Variants in CLUAP1 observed in about 807,000 individuals in gnomAD.
CLUAP1 encodes the protein clusterin-associated protein 1.
Under a neutral mutation model 55.0 loss-of-function variants are expected in CLUAP1, and 50 were observed. The observed-to-expected ratio is 0.91, with a 90% CI of 0.72 to 1.15. The LOEUF is 1.15. Among genes scored for constraint, CLUAP1 ranks in the 50% most tolerant of loss-of-function variants. The pLI, the probability that CLUAP1 is intolerant of heterozygous loss-of-function variation, is 0.00. For missense variants in CLUAP1, 530 were observed against 507.6 expected, an observed-to-expected ratio of 1.04 and a Z score of -0.42; for synonymous variants, 195 against 175.4, an observed-to-expected ratio of 1.11 and a Z score of -0.88.
At position 3,520,128 on chromosome 16, in the gene CLUAP1, C is replaced by T. The variant is rs1038768626; in HGVS notation, c.713+92C>T. 4 of 1,298,278 alleles carry T rather than the reference C, an allele frequency of 3.1e-6. No homozygotes were observed. The African/African-American group carries it at 4.5e-5, about 15-fold the overall frequency. 80.4% of individuals were successfully genotyped at this position (1,298,278 alleles called of 1,614,324 possible). A position where few individuals can be genotyped will look rare whatever the true frequency, so the allele number is the denominator to read the frequency against. ...TGGCTCATGTCTGAAATCTCAGCTA[C>T]TCATGAAGCTGGGGCGGGGGGTTCT... is the stretch of plus-strand genomic sequence containing the variant. On this transcript the variant is annotated intron_variant, in intron 7 of 11. Coordinates refer to ENST00000576634, the MANE Select transcript of CLUAP1 (RefSeq NM_015041.3).
At chr16:3,496,002 G>A (rs539687242), upstream of CLUAP1, among the ~76,000 whole-genome samples, 111 of 152,230 alleles carry the variant, frequency 7.3e-4, 2 homozygotes, top group African/African-American at 2.4e-3. Context: ...TTAGCCGGGC[G>A]TCGTGGCGGG....
At chr16:3,514,146 A>G (rs954103575) in intron 5 of CLUAP1, among the ~76,000 whole-genome samples, 2 of 152,142 alleles carry the variant, frequency 1.3e-5, no homozygotes, top group Non-Finnish European at 2.9e-5. Flanking sequence ...ACATGTCCCT[A>G]AGAGACTCAG....
chr16:3,536,083 G>A, intron 11 of CLUAP1, 39 bp from the exon 12 acceptor site: 1 of 1,606,868 alleles, frequency 6.2e-7, no homozygotes, highest in East Asian at 2.2e-5. Context: ...CAGGAATGAG[G>A]CAGGATCCCC....
chr16:3,496,564 C>G, upstream of CLUAP1: 1 of 543,816 alleles, frequency 1.8e-6, no homozygotes, highest in East Asian at 4.9e-5. Context: ...GGGCCAAGAT[C>G]CTGACTTTCG....
intron 7 of CLUAP1, among the ~76,000 whole-genome samples, chr16:3,520,324 G>A (rs2037809774): frequency 6.6e-6 from 1 of 151,944 alleles, no homozygotes; most frequent in Non-Finnish European, 1.5e-5. Flanking sequence ...GTGAGCTATG[G>A]TTGCATCACT....
intron 3 of CLUAP1, among the ~76,000 whole-genome samples, chr16:3,507,485 G>A (rs569018084): frequency 4.0e-5 from 6 of 151,530 alleles, no homozygotes; most frequent in East Asian, 3.9e-4. Flanking sequence ...GCTTGAGCCC[G>A]GGAGGTTGAG....
Position 3,536,124 on chromosome 16 carries a change from G to A in CLUAP1, c.1095G>A (p.Glu365=), listed in dbSNP as rs754174637. The part of the protein sequence containing the change: ...TMQGGDSDDN[E]DSEESEIDME... ...CATCTGCCATTTTTTTCCTATAGGA[G>A]GACTCGGAGGAGAGTGAAATTGACA... is the stretch of plus-strand genomic sequence containing the variant. The change falls in exon 12 of 12, where the codon GAG becomes GAA. Residue 365 remains glutamate, a splice_region_variant and synonymous_variant. Coordinates refer to ENST00000576634, the MANE Select transcript of CLUAP1 (RefSeq NM_015041.3). The A allele has an allele frequency of 1.2e-6, 2 of 1,613,966 alleles. No individual in the cohort carries two copies. The highest frequency in any genetic ancestry group is 1.7e-6 in the Non-Finnish European group (2 of 1,179,906).
At chr16:3,517,776 C>T (rs1378354117) in intron 6 of CLUAP1, among the ~76,000 whole-genome samples, 8 of 152,154 alleles carry the variant, frequency 5.3e-5, no homozygotes, top group East Asian at 3.8e-4. Context: ...TTCCTGCCAA[C>T]GATGCATATC....
upstream of CLUAP1, chr16:3,496,539 G>A (rs2037312910): frequency 3.2e-5 from 18 of 555,206 alleles, no homozygotes; most frequent in South Asian, 2.1e-4. Context: ...GCCCACAGCG[G>A]CATCCTCAGG....
In CLUAP1 at chr16:3,508,275, T is replaced by G. The variant is rs2037547005; in HGVS notation, c.220-14T>G. On this transcript the variant is annotated splice_polypyrimidine_tract_variant and intron_variant, in intron 3 of 11. Coordinates refer to ENST00000576634, the MANE Select transcript of CLUAP1 (RefSeq NM_015041.3). ...AAGGGCCTTCAACTTTTTTTTTTTT[T>G]GGTCTAAAAATAGGCCACCAAGGCA... 3 of 1,579,384 alleles carry G rather than the reference T, an allele frequency of 1.9e-6. No homozygotes were observed. Among genetic ancestry groups the G allele is most frequent in the Non-Finnish European group, 2.6e-6 (3 of 1,171,144 alleles).
chr16:3,509,106 A>T (rs1287376149), intron 4 of CLUAP1, among the ~76,000 whole-genome samples: 4 of 152,106 alleles, frequency 2.6e-5, no homozygotes, highest in African/African-American at 9.7e-5. Context: ...AAAAAAAGAA[A>T]AAAATTAGCT....
At chr16:3,510,427 G>A (rs1261361939) in intron 4 of CLUAP1, among the ~76,000 whole-genome samples, 1 of 152,054 alleles carries the variant, frequency 6.6e-6, no homozygotes, top group African/African-American at 2.4e-5. Context: ...GAGCCACCGC[G>A]CCTGTCCTCA....
the CLUAP1 span, chr16:3,495,599 G>A: frequency 1.5e-6 from 2 of 1,348,900 alleles, no homozygotes; most frequent in Admixed American, 2.7e-5. Flanking sequence ...CCCAAGGCAA[G>A]GGCAGGGTGA....
Position 3,530,502 on chromosome 16 carries a change from G to T in CLUAP1, c.929-66G>T, listed in dbSNP as rs943623285. Reference sequence around the variant, plus strand: ...ATGACTTTTGCACACAGACCTTACTGGGCAGAGCTGTTTCGTTGTGATCAT... The same window carrying T: ...ATGACTTTTGCACACAGACCTTACTTGGCAGAGCTGTTTCGTTGTGATCAT... On this transcript the variant is annotated intron_variant, in intron 9 of 11. Transcript: ENST00000576634. 4 of 1,124,924 alleles carry T rather than the reference G, an allele frequency of 3.6e-6. No individual in the cohort carries two copies. In the African/African-American group the frequency reaches 4.6e-5, roughly 13 times the overall value. 69.7% of individuals were successfully genotyped at this position (1,124,924 alleles called of 1,614,324 possible).
chr16:3,517,128 C>CT (rs548805558), intron 6 of CLUAP1, among the ~76,000 whole-genome samples: 2,085 of 140,448 alleles, frequency 0.015, 28 homozygotes, highest in East Asian at 0.042. Context: ...CTTTTTTTTT[C>CT]TTTTTTTTTT....
intron 8 of CLUAP1, among the ~76,000 whole-genome samples, chr16:3,525,890 T>C (rs760752620): frequency 1.6e-4 from 24 of 152,136 alleles, no homozygotes; most frequent in Non-Finnish European, 3.2e-4. Context: ...TTGATAATAA[T>C]CAAGGCCACA....
In CLUAP1 at chr16:3,530,587, A is replaced by C; in HGVS notation, c.948A>C (p.Ile316=). ...TGCTAGGTAACGATGACTCGGACAT[A>C]GACATCCAGGAGGACGATGAATCCG... ...LKSGSNDDSD[I]DIQEDDESDS... The change falls in exon 10 of 12, where the codon ATA becomes ATC. Residue 316 remains isoleucine, a synonymous_variant. Coordinates refer to ENST00000576634, the MANE Select transcript of CLUAP1 (RefSeq NM_015041.3). 1 of 1,613,938 alleles carries C rather than the reference A, an allele frequency of 6.2e-7. No homozygotes were observed. The highest frequency in any genetic ancestry group is 2.2e-5 in the East Asian group (1 of 44,864).
chr16:3,530,815 T>C (rs1238075779), intron 10 of CLUAP1, 140 bp downstream of exon 10: 1 of 624,614 alleles, frequency 1.6e-6, no homozygotes, highest in Non-Finnish European at 2.8e-6. Flanking sequence ...TGCTCAGGTT[T>C]ATCCTGTCCT....
chr16:3,524,852 A>G (rs2037911653), intron 8 of CLUAP1, among the ~76,000 whole-genome samples: 1 of 152,204 alleles, frequency 6.6e-6, no homozygotes, highest in African/African-American at 2.4e-5. Flanking sequence ...AGCAAAGGAA[A>G]TTGAACCAAG....
Sources: allele counts gnomAD v4.1 joint callset (sites outside exome capture counted in the v4.1 genomes callset), GRCh38; gene constraint gnomAD v4.1.1; transcripts MANE v1.5; gene names NCBI Gene and HGNC (gene_info 2026-07-23, HGNC 2026-07-21).